The following SPATA9 variants were observed in gnomAD, a reference collection of about 807,000 sequenced individuals.
SPATA9 encodes spermatogenesis associated 9.
SPATA9 carries 27 observed loss-of-function variants against 25.5 expected under a neutral mutation model. That is an observed-to-expected ratio of 1.06 (90% confidence interval 0.78 to 1.46). The LOEUF (loss-of-function observed/expected upper bound fraction) is 1.46. SPATA9 is among the 40% of genes most tolerant of loss of function. The pLI, the probability that SPATA9 is intolerant of heterozygous loss-of-function variation, is 0.00. For synonymous variants in SPATA9, 102 were observed against 105.7 expected (o/e 0.97, Z 0.21); for missense variants, 282 against 297.5 (o/e 0.95, Z 0.38).
chr5:95,678,067 C>G (rs1753109884), intron 2 of SPATA9, among the ~76,000 whole-genome samples: 1 of 152,144 alleles, frequency 6.6e-6, no homozygotes, highest in Admixed American at 6.5e-5. Flanking sequence ...GCCATCATCT[C>G]AAGCCAAGAT....
At chr5:95,719,842 G>A in the SPATA9 span, 1 of 152,106 alleles carries the variant, frequency 6.6e-6, no homozygotes, top group African/African-American at 2.4e-5. Context: ...AGTTTGCTCT[G>A]GAAATGATAT....
At chr5:95,661,484 G>A (rs1018619233) in intron 4 of SPATA9, among the ~76,000 whole-genome samples, 1 of 152,042 alleles carries the variant, frequency 6.6e-6, no homozygotes. Flanking sequence ...TTCATGGCGT[G>A]ATAAATTGTG....
At chr5:95,716,330 T>C in the SPATA9 span, among the ~76,000 whole-genome samples, 17 of 152,266 alleles carry the variant, frequency 1.1e-4, no homozygotes, top group African/African-American at 3.9e-4. Flanking sequence ...CCCAATGCCA[T>C]GGGAGCCCAC....
intron 2 of SPATA9, among the ~76,000 whole-genome samples, chr5:95,676,912 T>C (rs1752993676): frequency 6.6e-6 from 1 of 152,240 alleles, no homozygotes; most frequent in Non-Finnish European, 1.5e-5. Flanking sequence ...TTTCTTCACC[T>C]GTTCAGCCTC....
chr5:95,731,774 G>A, the SPATA9 span: 2 of 1,603,340 alleles, frequency 1.2e-6, no homozygotes, highest in African/African-American at 2.7e-5. Context: ...CTCGCCGCGC[G>A]CTGTCCCCCG....
chr5:95,675,650 G>A lies in SPATA9; in HGVS notation c.151-11C>T. 3 of 1,612,542 alleles carry A rather than the reference G, an allele frequency of 1.9e-6. No individual in the cohort carries two copies. Among genetic ancestry groups the A allele is most frequent in the South Asian group, 1.1e-5 (1 of 90,958 alleles). Reference sequence around the variant, plus strand: ...CGCAGGTTCTCTTTTCTGAAAAATAGGCCTTTGAAAAGTAACTGATGTGTA... The same window carrying A: ...CGCAGGTTCTCTTTTCTGAAAAATAAGCCTTTGAAAAGTAACTGATGTGTA... On this transcript the variant is annotated splice_polypyrimidine_tract_variant and intron_variant, in intron 2 of 4. Coordinates refer to ENST00000274432, the MANE Select transcript of SPATA9 (RefSeq NM_031952.4).
At chr5:95,682,277 T>A (rs1753530992) in intron 2 of SPATA9, among the ~76,000 whole-genome samples, 1 of 152,200 alleles carries the variant, frequency 6.6e-6, no homozygotes, top group Non-Finnish European at 1.5e-5. Context: ...CTGCCAGGTG[T>A]TTACCCTAAT....
downstream of SPATA9, chr5:95,656,799 A>G (rs1263436690): frequency 1.3e-5 from 2 of 153,186 alleles, no homozygotes; most frequent in African/African-American, 2.4e-5. Flanking sequence ...TGTTTTATTT[A>G]TACCTCTGTG....
the SPATA9 span, among the ~76,000 whole-genome samples, chr5:95,726,964 CCT>C: frequency 1.3e-5 from 2 of 151,830 alleles, no homozygotes; most frequent in African/African-American, 4.8e-5. Flanking sequence ...TCGTTTCCCC[CCT>C]TTTTTTTTTC....
chr5:95,673,982 C>T (rs1197791279), intron 3 of SPATA9, among the ~76,000 whole-genome samples: 6 of 152,146 alleles, frequency 3.9e-5, no homozygotes, highest in South Asian at 4.1e-4. Context: ...TCAAAGGATC[C>T]GCCCGCCTCA....
intron 2 of SPATA9, among the ~76,000 whole-genome samples, chr5:95,679,207 TGAAAAC>T (rs1020904286): frequency 3.9e-4 from 59 of 152,318 alleles, no homozygotes; most frequent in African/African-American, 1.3e-3. Context: ...AATCAAAACT[TGAAAAC>T]GATAACAAGG....
intron 1 of SPATA9, among the ~76,000 whole-genome samples, chr5:95,693,157 G>A (rs1753932175): frequency 6.6e-6 from 1 of 152,126 alleles, no homozygotes; most frequent in Non-Finnish European, 1.5e-5. Flanking sequence ...ATGTAAACTG[G>A]CATGCTTACT....
At chr5:95,706,967 A>T in the SPATA9 span, among the ~76,000 whole-genome samples, 1 of 152,200 alleles carries the variant, frequency 6.6e-6, no homozygotes, top group Non-Finnish European at 1.5e-5. Flanking sequence ...CTTGTATAAC[A>T]TAACAGGGCA....
rs1752830758 is a variant in SPATA9, at chr5:95,675,403, T to C, written c.378+9A>G. On this transcript the variant is annotated intron_variant, in intron 3 of 4. Coordinates refer to ENST00000274432, the MANE Select transcript of SPATA9 (RefSeq NM_031952.4). The stretch of plus-strand genomic sequence containing the variant: ...AAAGGGGAATTGTGCATATGCAGTA[T>C]TCCCTTACCTGAATGTTATATAGGG... The C allele has an allele frequency of 4.4e-6, 7 of 1,602,892 alleles. No individual in the cohort carries two copies. Among genetic ancestry groups the C allele is most frequent in the Non-Finnish European group, 6.0e-6 (7 of 1,174,870 alleles).
At chr5:95,677,669 A>G (rs1379368825) in intron 2 of SPATA9, among the ~76,000 whole-genome samples, 2 of 152,200 alleles carry the variant, frequency 1.3e-5, no homozygotes, top group Admixed American at 6.5e-5. Context: ...AGAAAAGTAC[A>G]TCTAAGGGCA....
At chr5:95,664,800 C>T (rs913225157) in intron 3 of SPATA9, among the ~76,000 whole-genome samples, 1 of 152,158 alleles carries the variant, frequency 6.6e-6, no homozygotes, top group Non-Finnish European at 1.5e-5. Flanking sequence ...AAGAGCCAAG[C>T]AACTTAATGG....
At chr5:95,663,004 C>A (rs1751410290) in intron 4 of SPATA9, among the ~76,000 whole-genome samples, 1 of 152,164 alleles carries the variant, frequency 6.6e-6, no homozygotes, top group African/African-American at 2.4e-5. Flanking sequence ...AACTCTTTGG[C>A]AATATCTACT....
chr5:95,669,757 C>T (rs985439875), intron 3 of SPATA9, among the ~76,000 whole-genome samples: 18 of 152,122 alleles, frequency 1.2e-4, no homozygotes, highest in East Asian at 1.9e-4. Flanking sequence ...AGAGCAGCTG[C>T]GGACTCAACT....
Position 95,675,484 on chromosome 5 carries a change from T to C in SPATA9, c.306A>G (p.Leu102=). The C allele has an allele frequency of 6.2e-7, 1 of 1,614,200 alleles. No individual in the cohort carries two copies. Among genetic ancestry groups the C allele is most frequent in the Non-Finnish European group, 8.5e-7 (1 of 1,180,034 alleles). Residue 102 remains leucine, a synonymous_variant, in exon 3 of 5, where the codon TTA becomes TTG. Coordinates refer to ENST00000274432, the MANE Select transcript of SPATA9 (RefSeq NM_031952.4). The part of the protein sequence containing the change: ...LLHPQLACRL[L]ELRDISGRLL... Reference sequence around the variant, plus strand: ...GACGACCAGATATGTCCCTTAGCTCTAAAAGTCTGCATGCAAGCTGAGGAT... The same window carrying C: ...GACGACCAGATATGTCCCTTAGCTCCAAAAGTCTGCATGCAAGCTGAGGAT...
Sources: allele counts gnomAD v4.1 joint callset (sites outside exome capture counted in the v4.1 genomes callset), GRCh38; gene constraint gnomAD v4.1.1; transcripts MANE v1.5; gene names NCBI Gene and HGNC (gene_info 2026-07-23, HGNC 2026-07-21).